GALNTL6: variants seen among roughly 807,000 people sequenced by gnomAD.
GALNTL6 encodes polypeptide N-acetylgalactosaminyltransferase-like 6.
A neutral mutation model predicts 73.7 loss-of-function variants in GALNTL6; 46 were observed. That is an observed-to-expected ratio of 0.62 (90% CI 0.49 to 0.80). The LOEUF is 0.80. GALNTL6 is among the 30% of genes least tolerant of loss of function. GALNTL6 has a pLI of 0.00. For missense variants in GALNTL6, 604 were observed against 755.0 expected, an observed-to-expected ratio of 0.80 and a Z score of 2.34; for synonymous variants, 259 against 263.7, an observed-to-expected ratio of 0.98 and a Z score of 0.17.
chr4:172,796,403 A>G (rs1238391689), intron 5 of GALNTL6, among the ~76,000 whole-genome samples: 3 of 152,204 alleles, frequency 2.0e-5, no homozygotes, highest in Non-Finnish European at 4.4e-5. Flanking sequence ...TTCATCATCT[A>G]TAAAATGAGG....
intron 2 of GALNTL6, among the ~76,000 whole-genome samples, chr4:172,184,782 G>A (rs549321053): frequency 1.2e-4 from 18 of 152,262 alleles, no homozygotes; most frequent in Admixed American, 4.6e-4. Flanking sequence ...CAAGATCGAG[G>A]GATTGGCATT....
chr4:172,656,861 C>T (rs1030345946), intron 5 of GALNTL6, among the ~76,000 whole-genome samples: 1 of 152,126 alleles, frequency 6.6e-6, no homozygotes, highest in African/African-American at 2.4e-5. Context: ...GCTTGCTTAA[C>T]ATGAATTGCT....
chr4:172,586,516 C>A (rs1215658537), intron 5 of GALNTL6, among the ~76,000 whole-genome samples: 1 of 149,502 alleles, frequency 6.7e-6, no homozygotes, highest in South Asian at 2.1e-4. Context: ...GAAAGCATTA[C>A]GGCATTTCTC....
At chr4:172,194,348 G>T (rs996620490) in intron 2 of GALNTL6, among the ~76,000 whole-genome samples, 1 of 152,120 alleles carries the variant, frequency 6.6e-6, no homozygotes, top group Non-Finnish European at 1.5e-5. Context: ...TGAAAGAGAC[G>T]GGTAGAACAG....
chr4:172,792,292 A>C (rs1397826206), intron 5 of GALNTL6, among the ~76,000 whole-genome samples: 3 of 152,008 alleles, frequency 2.0e-5, no homozygotes, highest in African/African-American at 7.2e-5. Flanking sequence ...TAAAAACTAC[A>C]GTAAAATTAA....
At chr4:172,085,970 A>G (rs1404435483) in intron 2 of GALNTL6, among the ~76,000 whole-genome samples, 1 of 152,134 alleles carries the variant, frequency 6.6e-6, no homozygotes, top group African/African-American at 2.4e-5. Flanking sequence ...GATCAATTTA[A>G]TGGGTACTTT....
At chr4:171,968,849 G>T (rs887858559) in intron 2 of GALNTL6, among the ~76,000 whole-genome samples, 63 of 150,304 alleles carry the variant, frequency 4.2e-4, no homozygotes, top group Non-Finnish European at 7.2e-4. Context: ...GGTGGGGGGG[G>T]GGTTGGGGAC....
At position 172,641,312 on chromosome 4, in the gene GALNTL6, C is replaced by T. The variant is rs117856474; in HGVS notation, c.554-168049C>T. Reference sequence around the variant, plus strand: ...TATTCAAAATCCTTCAATGGCTTGACGTTTCACTTGGAGTAAAATGAAAAG... The same window carrying T: ...TATTCAAAATCCTTCAATGGCTTGATGTTTCACTTGGAGTAAAATGAAAAG... On this transcript the variant is annotated intron_variant, in intron 5 of 12. Transcript: ENST00000506823. Among the ~76,000 whole-genome samples the T allele has an allele frequency of 1.4e-4, 21 of 152,184 alleles. No individual in the cohort carries two copies. The East Asian group carries it at 3.9e-3, about 28-fold the overall frequency.
At chr4:172,691,149 G>A (rs1733259784) in intron 5 of GALNTL6, among the ~76,000 whole-genome samples, 2 of 152,194 alleles carry the variant, frequency 1.3e-5, no homozygotes, top group Non-Finnish European at 2.9e-5. Flanking sequence ...AAGGATGGCT[G>A]GGGAGGGTAG....
At chr4:172,537,805 T>A (rs1270245368) in intron 5 of GALNTL6, among the ~76,000 whole-genome samples, 2 of 152,138 alleles carry the variant, frequency 1.3e-5, no homozygotes, top group Non-Finnish European at 2.9e-5. Context: ...AGTATATAAA[T>A]CTAGTGAAAC....
intron 2 of GALNTL6, among the ~76,000 whole-genome samples, chr4:171,951,873 A>G (rs563209864): frequency 6.6e-6 from 1 of 152,178 alleles, no homozygotes; most frequent in South Asian, 2.1e-4. Flanking sequence ...TTTAGAAGCT[A>G]GTTTGTAACC....
chr4:172,899,468 G>A (rs180795123), intron 8 of GALNTL6, among the ~76,000 whole-genome samples: 249 of 141,102 alleles, frequency 1.8e-3, no homozygotes, highest in Middle Eastern at 6.9e-3. Flanking sequence ...ATTTACTAAC[G>A]TCTTTTGGGT....
intron 4 of GALNTL6, among the ~76,000 whole-genome samples, chr4:172,347,237 A>T (rs1265324527): frequency 1.3e-5 from 2 of 151,238 alleles, no homozygotes; most frequent in African/African-American, 4.9e-5. Context: ...TGATCCTCCC[A>T]CCTTGGCCTC....
intron 5 of GALNTL6, among the ~76,000 whole-genome samples, chr4:172,402,847 T>C (rs572115804): frequency 6.6e-6 from 1 of 152,166 alleles, no homozygotes; most frequent in East Asian, 1.9e-4. Context: ...AAGTATACGA[T>C]TTTTACTATA....
chr4:172,207,788 ATAAGT>A (rs1276036219), intron 2 of GALNTL6, among the ~76,000 whole-genome samples: 4 of 152,224 alleles, frequency 2.6e-5, no homozygotes, highest in Admixed American at 6.5e-5. Context: ...TAAGGACTAA[ATAAGT>A]TAATTAATGA....
intron 2 of GALNTL6, among the ~76,000 whole-genome samples, chr4:172,011,525 CAG>C (rs977817583): frequency 2.0e-5 from 3 of 152,066 alleles, no homozygotes; most frequent in Admixed American, 6.6e-5. Flanking sequence ...ATACTGGAAA[CAG>C]AGTAAATTAG....
At chr4:171,980,180 C>T (rs575921280) in intron 2 of GALNTL6, among the ~76,000 whole-genome samples, 3 of 151,864 alleles carry the variant, frequency 2.0e-5, no homozygotes, top group Admixed American at 1.3e-4. Flanking sequence ...GGAAAAAGAA[C>T]CCAAAGAATT....
At chr4:172,286,753 C>G (rs1739271232) in intron 3 of GALNTL6, among the ~76,000 whole-genome samples, 2 of 152,134 alleles carry the variant, frequency 1.3e-5, no homozygotes, top group South Asian at 4.1e-4. Flanking sequence ...ACTGAAGAGA[C>G]TCTGACAGTG....
At chr4:171,922,122 C>G (rs1305494554) in intron 2 of GALNTL6, among the ~76,000 whole-genome samples, 1 of 151,352 alleles carries the variant, frequency 6.6e-6, no homozygotes, top group African/African-American at 2.4e-5. Context: ...ATGTGAAAAG[C>G]AATTTTGTGT....
Sources: gnomAD v4.1 joint callset for allele counts (sites outside exome capture counted in the v4.1 genomes callset) on GRCh38, gnomAD v4.1.1 for gene constraint, MANE v1.5 for transcripts, NCBI Gene and HGNC (gene_info 2026-07-23, HGNC 2026-07-21) for gene names.